Variants in ZNF423 observed in about 807,000 individuals in gnomAD.
The protein encoded by ZNF423 is Ebf-associated zinc finger protein.
ZNF423 carries 12 observed loss-of-function variants against 95.8 expected under a neutral mutation model. The ratio of observed to expected loss-of-function variants is 0.13; its 90% CI spans 0.08 to 0.20. ZNF423 has a LOEUF of 0.20. Ranked by LOEUF, ZNF423 falls within the 10% of genes least tolerant of loss-of-function variation. The pLI is 1.00. For synonymous variants in ZNF423, 749 were observed against 711.9 expected (o/e 1.05, Z -0.83); for missense variants, 1,316 against 1,737.1 (o/e 0.76, Z 4.31).
At chr16:49,641,643 C>A (rs1050045874) in intron 3 of ZNF423, among the ~76,000 whole-genome samples, 7 of 152,240 alleles carry the variant, frequency 4.6e-5, no homozygotes, top group African/African-American at 1.7e-4. Flanking sequence ...AGAGCCAGAG[C>A]CCTCCCAGCT....
chr16:49,622,384 T>C (rs1057266441), intron 5 of ZNF423, among the ~76,000 whole-genome samples: 1 of 151,544 alleles, frequency 6.6e-6, no homozygotes, highest in Admixed American at 6.6e-5. Context: ...GCCTCAGTCT[T>C]GGCCAAGCCA....
At chr16:49,761,049 C>T (rs973830429) in intron 2 of ZNF423, among the ~76,000 whole-genome samples, 1 of 107,122 alleles carries the variant, frequency 9.3e-6, no homozygotes. Flanking sequence ...CACACACATA[C>T]ATGCACACAC....
In ZNF423 at chr16:49,836,834, A is replaced by C. The variant is rs1014251071; in HGVS notation, c.40+18901T>G. On this transcript the variant is annotated intron_variant, in intron 1 of 7. Coordinates refer to ENST00000563137, the MANE Select transcript of ZNF423 (RefSeq NM_001379286.1). ...TAGTAAGAAGGCAGGACAGGATACA[A>C]AGAGAGGTCTGGGACCAGGCCCAAC... Among the ~76,000 whole-genome samples, 10 of 152,146 alleles carry C rather than the reference A, an allele frequency of 6.6e-5. 1 individual carries two copies. The highest frequency in any genetic ancestry group is 3.3e-4 in the Admixed American group (5 of 15,278).
intron 5 of ZNF423, among the ~76,000 whole-genome samples, chr16:49,557,544 T>C (rs1179958026): frequency 6.6e-6 from 1 of 151,974 alleles, no homozygotes; most frequent in Non-Finnish European, 1.5e-5. Context: ...CACGGGTGCT[T>C]GGGTGGAAAA....
At chr16:49,716,877 G>A (rs996948735) in intron 3 of ZNF423, among the ~76,000 whole-genome samples, 1 of 152,198 alleles carries the variant, frequency 6.6e-6, no homozygotes, top group Non-Finnish European at 1.5e-5. Context: ...GTCAGCGGGA[G>A]ATAAATTTGG....
intron 1 of ZNF423, among the ~76,000 whole-genome samples, chr16:49,825,522 A>G (rs2034996072): frequency 6.6e-6 from 1 of 151,918 alleles, no homozygotes; most frequent in Non-Finnish European, 1.5e-5. Context: ...GTCTAACAGG[A>G]CTGAGGTGCA....
chr16:49,582,034 G>T (rs917437244), intron 5 of ZNF423, among the ~76,000 whole-genome samples: 15 of 152,116 alleles, frequency 9.9e-5, no homozygotes, highest in African/African-American at 3.6e-4. Context: ...CAAATATCTG[G>T]TTAGTTGCAC....
chr16:49,685,897 C>T (rs1208140216), intron 3 of ZNF423, among the ~76,000 whole-genome samples: 1 of 152,188 alleles, frequency 6.6e-6, no homozygotes, highest in Non-Finnish European at 1.5e-5. Flanking sequence ...CCCCATGCTG[C>T]CTACCACCAA....
intron 2 of ZNF423, among the ~76,000 whole-genome samples, chr16:49,745,924 C>A (rs2033513705): frequency 6.6e-6 from 1 of 152,270 alleles, no homozygotes; most frequent in Non-Finnish European, 1.5e-5. Context: ...TATCCCCTCA[C>A]CCCACAGAAG....
chr16:49,595,707 C>T (rs1253234006), intron 5 of ZNF423, among the ~76,000 whole-genome samples: 1 of 152,170 alleles, frequency 6.6e-6, no homozygotes, highest in Non-Finnish European at 1.5e-5. Context: ...AAACCATGCT[C>T]GCTTCCTGGA....
At chr16:49,796,730 T>C (rs12924415) in intron 1 of ZNF423, among the ~76,000 whole-genome samples, 7,781 of 152,184 alleles carry the variant, frequency 0.051, 270 homozygotes, top group South Asian at 0.12. Context: ...TGCTCCTTTC[T>C]GAACTCCAAA....
chr16:49,744,427 G>T, intron 2 of ZNF423, among the ~76,000 whole-genome samples: 1 of 151,226 alleles, frequency 6.6e-6, no homozygotes, highest in African/African-American at 2.4e-5. Flanking sequence ...ACGTGGCCAG[G>T]TGGAGTGTCC....
chr16:49,497,537 C>T (rs1214919875), intron 7 of ZNF423, among the ~76,000 whole-genome samples: 1 of 152,182 alleles, frequency 6.6e-6, no homozygotes, highest in Non-Finnish European at 1.5e-5. Flanking sequence ...CCAGAGCATC[C>T]CACCCTGCTC....
chr16:49,758,267 T>G (rs565648486), intron 2 of ZNF423, among the ~76,000 whole-genome samples: 1 of 152,194 alleles, frequency 6.6e-6, no homozygotes, highest in Admixed American at 6.5e-5. Context: ...GCCTCCCGAG[T>G]AGCTGGGATT....
At chr16:49,618,264 T>C (rs1037530145) in intron 5 of ZNF423, among the ~76,000 whole-genome samples, 3 of 152,206 alleles carry the variant, frequency 2.0e-5, no homozygotes, top group African/African-American at 7.2e-5. Flanking sequence ...GAGGGTGAAG[T>C]GTGATAACAC....
chr16:49,631,609 C>T (rs1972501974), intron 4 of ZNF423, among the ~76,000 whole-genome samples: 1 of 152,182 alleles, frequency 6.6e-6, no homozygotes, highest in Admixed American at 6.5e-5. Context: ...CCCTGAGCAA[C>T]TGCAGAGGGG....
intron 3 of ZNF423, among the ~76,000 whole-genome samples, chr16:49,656,968 C>T (rs146489601): frequency 5.1e-4 from 77 of 152,298 alleles, no homozygotes; most frequent in African/African-American, 1.8e-3. Flanking sequence ...TCCCTGACCT[C>T]AGAGGCTGTG....
At chr16:49,498,613 G>A (rs1345176038) in intron 7 of ZNF423, among the ~76,000 whole-genome samples, 1 of 152,160 alleles carries the variant, frequency 6.6e-6, no homozygotes, top group Non-Finnish European at 1.5e-5. Flanking sequence ...AAAAAGGTGT[G>A]TCAGCAGGGC....
chr16:49,725,880 A>G (rs1443540636), intron 3 of ZNF423, among the ~76,000 whole-genome samples: 1 of 152,214 alleles, frequency 6.6e-6, no homozygotes, highest in Non-Finnish European at 1.5e-5. Flanking sequence ...GCCCGCCAGG[A>G]GCCTGGCCCA....
Sources: gnomAD v4.1 joint callset for allele counts (sites outside exome capture counted in the v4.1 genomes callset) on GRCh38, gnomAD v4.1.1 for gene constraint, MANE v1.5 for transcripts, NCBI Gene and HGNC (gene_info 2026-07-23, HGNC 2026-07-21) for gene names.